Variants in TRPV4 observed in about 807,000 individuals in gnomAD.
TRPV4 encodes the protein OSM9-like transient receptor potential channel 4.
TRPV4 carries 58 observed loss-of-function variants against 84.1 expected under a neutral mutation model. The observed-to-expected ratio is 0.69, with a 90% CI of 0.56 to 0.86. The LOEUF is 0.86. TRPV4 is among the 40% of genes least tolerant of loss of function. TRPV4 has a pLI of 0.00. For synonymous variants in TRPV4, 489 were observed against 500.9 expected, an observed-to-expected ratio of 0.98 and a Z score of 0.32; for missense variants, 879 against 1,181.1, an observed-to-expected ratio of 0.74 and a Z score of 3.75.
At chr12:109,820,400 G>GCC (rs1892045051) in intron 1 of TRPV4, among the ~76,000 whole-genome samples, 1 of 143,578 alleles carries the variant, frequency 7.0e-6, no homozygotes, top group African/African-American at 2.5e-5. Flanking sequence ...AGCCGGTGGG[G>GCC]CACATTTTGA....
chr12:109,815,419 G>A lies in TRPV4; in HGVS notation c.-31-592C>T, dbSNP rs953367357. The stretch of plus-strand genomic sequence containing the variant: ...TCCATGTGGACTTGCTGTGTAGGCC[G>A]GCAGTCCTTTTCCTCATCAAACACT... On this transcript the variant is annotated intron_variant, in intron 1 of 15. Transcript: ENST00000261740. This position sits in a 1 kb window ranked among gnomAD's most constrained non-coding sequence, Gnocchi z 4.1. Among the ~76,000 whole-genome samples, 2 of 152,128 alleles carry A rather than the reference G, an allele frequency of 1.3e-5. No homozygotes were observed. The highest frequency in any genetic ancestry group is 6.5e-5 in the Admixed American group (1 of 15,278).
At chr12:109,829,737 A>G (rs1892362180) in intron 1 of TRPV4, among the ~76,000 whole-genome samples, 1 of 152,256 alleles carries the variant, frequency 6.6e-6, no homozygotes. Context: ...CAGAGAGGCC[A>G]GGTGGCTTCC....
intron 8 of TRPV4, 123 bp downstream of exon 8, chr12:109,794,206 A>G (rs577805591): frequency 5.9e-6 from 8 of 1,360,898 alleles, no homozygotes; most frequent in Admixed American, 1.9e-5. Flanking sequence ...CGCCTCCCCA[A>G]CCTGTTCCTA....
chr12:109,783,853 T>C lies in TRPV4; in HGVS notation c.2459-75A>G. On this transcript the variant is annotated intron_variant, in intron 15 of 15. Coordinates refer to ENST00000261740, the MANE Select transcript of TRPV4 (RefSeq NM_021625.5). The surrounding 1 kb of genome is among the most constrained non-coding windows in gnomAD (Gnocchi z 4.6). ...GCGTGCGTATATTGAGTGCCTACTGTGTACTGGGCACTCCACAGTGTTCTG... is the reference window on the plus strand; with the variant it reads ...GCGTGCGTATATTGAGTGCCTACTGCGTACTGGGCACTCCACAGTGTTCTG... 1 of 1,528,750 alleles carries C rather than the reference T, an allele frequency of 6.5e-7. No individual in the cohort carries two copies. Among genetic ancestry groups the C allele is most frequent in the Non-Finnish European group, 8.9e-7 (1 of 1,120,274 alleles). The allele number at this position is 1,528,750 out of a possible 1,614,324, so 94.7% of individuals were successfully genotyped here.
chr12:109,814,689 C>G lies in TRPV4; in HGVS notation c.108G>C (p.Leu36=), dbSNP rs1354779890. The change falls in exon 2 of 16, where the codon CTG becomes CTC. Residue 36 remains leucine, a synonymous_variant. Coordinates refer to ENST00000261740, the MANE Select transcript of TRPV4 (RefSeq NM_021625.5). The surrounding 1 kb of genome is among the most constrained non-coding windows in gnomAD (Gnocchi z 5.4). ...PGGEAFPLSS[L]ANLFEGEDGS... Reference sequence around the variant, plus strand: ...CATCCTCCCCCTCAAACAGATTGGCCAGGGAGGAGAGAGGAAAAGCCTCCC... The same window carrying G: ...CATCCTCCCCCTCAAACAGATTGGCGAGGGAGGAGAGAGGAAAAGCCTCCC... The G allele has an allele frequency of 6.2e-7, 1 of 1,611,482 alleles. No individual in the cohort carries two copies. Among genetic ancestry groups the G allele is most frequent in the Non-Finnish European group, 8.5e-7 (1 of 1,179,244 alleles).
chr12:109,812,879 T>C (rs1218217669), intron 2 of TRPV4, among the ~76,000 whole-genome samples: 1 of 151,838 alleles, frequency 6.6e-6, no homozygotes. Context: ...GGTAGATGAG[T>C]AGATAGATAT....
intron 1 of TRPV4, among the ~76,000 whole-genome samples, chr12:109,818,710 G>A (rs1386604587): frequency 6.6e-6 from 1 of 152,160 alleles, no homozygotes; most frequent in Non-Finnish European, 1.5e-5. Flanking sequence ...AGAAATATTT[G>A]ATAAATGTTG....
chr12:109,811,594 G>A (rs1340559208), intron 2 of TRPV4, among the ~76,000 whole-genome samples: 2 of 151,784 alleles, frequency 1.3e-5, no homozygotes, highest in African/African-American at 4.8e-5. Context: ...GGAGGTGGAG[G>A]TTGCAGTAAG....
chr12:109,816,978 C>T (rs1476773099), intron 1 of TRPV4, among the ~76,000 whole-genome samples: 1 of 152,204 alleles, frequency 6.6e-6, no homozygotes, highest in Non-Finnish European at 1.5e-5. Flanking sequence ...CTGTCTGCCC[C>T]GTGGTTTTCC....
intron 5 of TRPV4, among the ~76,000 whole-genome samples, chr12:109,799,307 C>G (rs754303711): frequency 6.6e-5 from 10 of 152,116 alleles, no homozygotes; most frequent in Non-Finnish European, 8.8e-5. Context: ...CGCCACCACA[C>G]CTGGCTAATT....
intron 8 of TRPV4, 70 bp from the exon 9 acceptor site, chr12:109,794,092 C>A (rs1890227072): frequency 2.3e-6 from 3 of 1,332,256 alleles, no homozygotes. Context: ...TCCAGATGTT[C>A]CCCCAGGCCC....
chr12:109,824,985 C>G (rs1276137067), intron 1 of TRPV4, among the ~76,000 whole-genome samples: 1 of 152,070 alleles, frequency 6.6e-6, no homozygotes, highest in East Asian at 1.9e-4. Context: ...TTACTACGAC[C>G]TGGGTGGGGT....
At position 109,825,812 on chromosome 12, in the gene TRPV4, G is replaced by C. The variant is rs1015580667; in HGVS notation, c.-32+7538C>G. 3.9e-5 allele frequency among the ~76,000 whole-genome samples: 6 copies of C among 152,174 alleles called. No individual in the cohort carries two copies. The East Asian group carries it at 7.7e-4, about 20-fold the overall frequency. ...AGAGGGCAGGTGCCCGTTATGAGTG[G>C]ATGGGGCAGGAGTCGGGGAAGGGAG... On this transcript the variant is annotated intron_variant, in intron 1 of 15. Transcript: ENST00000261740.
chr12:109,822,780 C>T (rs1054287650), intron 1 of TRPV4, among the ~76,000 whole-genome samples: 14 of 152,178 alleles, frequency 9.2e-5, no homozygotes, highest in Non-Finnish European at 1.6e-4. Flanking sequence ...GGCAATGATC[C>T]TAGCACCTAC....
chr12:109,788,720 T>A lies in TRPV4; in HGVS notation c.1892-4A>T, dbSNP rs1889854580. Reference sequence around the variant, plus strand: ...GGGTTCAGGAGGGAGACCAGGGCTGTGGGAGGATAGGGGTGGCACTCACTG... The same window carrying A: ...GGGTTCAGGAGGGAGACCAGGGCTGAGGGAGGATAGGGGTGGCACTCACTG... On this transcript the variant is annotated splice_region_variant and splice_polypyrimidine_tract_variant and intron_variant, in intron 12 of 15. Transcript: ENST00000261740. 6.2e-7 allele frequency: 1 copy of A among 1,613,846 alleles called. No homozygotes were observed. Among genetic ancestry groups the A allele is most frequent in the Non-Finnish European group, 8.5e-7 (1 of 1,180,020 alleles).
chr12:109,797,405 C>T (rs1360460781), intron 6 of TRPV4, among the ~76,000 whole-genome samples: 1 of 152,142 alleles, frequency 6.6e-6, no homozygotes, highest in Non-Finnish European at 1.5e-5. Flanking sequence ...CCGCCCACCT[C>T]GGCCTCCCAA....
chr12:109,789,574 T>C (rs1357319873), intron 12 of TRPV4, among the ~76,000 whole-genome samples: 1 of 152,118 alleles, frequency 6.6e-6, no homozygotes, highest in Non-Finnish European at 1.5e-5. Context: ...TCTCCTTTCC[T>C]ACTAAGCCCA....
At chr12:109,808,562 G>T in intron 2 of TRPV4, 94 bp from the exon 3 acceptor site, 1 of 1,283,756 alleles carries the variant, frequency 7.8e-7, no homozygotes, top group Non-Finnish European at 1.1e-6. Context: ...GTGGTGGCGG[G>T]CAGGCAGCTG....
Position 109,798,834 on chromosome 12 carries a change from T to C in TRPV4, c.932A>G (p.Lys311Arg). 6.2e-7 allele frequency: 1 copy of C among 1,614,136 alleles called. No individual in the cohort carries two copies. The highest frequency in any genetic ancestry group is 1.3e-5 in the African/African-American group (1 of 75,050). ...VNYLTENPHKKADMRRQDSRG... is the reference protein window; with the variant it reads ...VNYLTENPHKRADMRRQDSRG... ...CGAGTCCTGGCGCCGCATGTCCGCC[T>C]TCTTGTGGGGGTTCTCCGTCAGGTA... is the stretch of plus-strand genomic sequence containing the variant. Residue 311 changes from lysine to arginine, a missense_variant, in exon 6 of 16, where the codon AAG (lysine) becomes AGG (arginine). Transcript: ENST00000261740. The surrounding 1 kb of genome is among the most constrained non-coding windows in gnomAD (Gnocchi z 5.0).
Sources: gnomAD v4.1 joint callset for allele counts (sites outside exome capture counted in the v4.1 genomes callset) on GRCh38, gnomAD v4.1.1 for gene constraint, Gnocchi (gnomAD v3.1) non-coding constraint, MANE v1.5 for transcripts, NCBI Gene and HGNC (gene_info 2026-07-23, HGNC 2026-07-21) for gene names.